The following STK32B variants were observed in gnomAD, a reference collection of about 807,000 sequenced individuals.
STK32B encodes the protein serine/threonine-protein kinase 32B.
Under a neutral mutation model 52.6 loss-of-function variants are expected in STK32B, and 43 were observed. That is an observed-to-expected ratio of 0.82 (90% CI 0.64 to 1.05). The LOEUF is 1.05. Among genes scored for constraint, STK32B ranks in the 50% least tolerant of loss-of-function variants. The pLI is 0.00. For missense variants in STK32B, 621 were observed against 534.6 expected, an observed-to-expected ratio of 1.16 and a Z score of -1.59; for synonymous variants, 238 against 204.3, an observed-to-expected ratio of 1.17 and a Z score of -1.41.
intron 2 of STK32B, 157 bp downstream of exon 2, chr4:5,140,117 G>T (rs916192485): frequency 7.2e-7 from 1 of 1,395,702 alleles, no homozygotes; most frequent in Non-Finnish European, 1.0e-6. Flanking sequence ...GTTTCCTTGC[G>T]ATCTGGTGTA....
At chr4:5,449,202 G>T (rs1341017121) in intron 7 of STK32B, among the ~76,000 whole-genome samples, 1 of 152,138 alleles carries the variant, frequency 6.6e-6, no homozygotes, top group African/African-American at 2.4e-5. Context: ...AATTATCCTG[G>T]CATGGTGGCG....
chr4:5,307,560 T>C (rs1428180713), intron 3 of STK32B, among the ~76,000 whole-genome samples: 1 of 147,218 alleles, frequency 6.8e-6, no homozygotes. Context: ...TTTTTTTTTT[T>C]TTTTAGGTTG....
At chr4:5,390,050 A>G (rs1476253027) in intron 4 of STK32B, among the ~76,000 whole-genome samples, 1 of 152,216 alleles carries the variant, frequency 6.6e-6, no homozygotes, top group African/African-American at 2.4e-5. Context: ...AGGAAGGGAC[A>G]CAGCCGGTTT....
At chr4:5,308,151 T>C (rs138399133) in intron 3 of STK32B, among the ~76,000 whole-genome samples, 1,754 of 152,228 alleles carry the variant, frequency 0.012, 16 homozygotes, top group Non-Finnish European at 0.019. Flanking sequence ...GCTGTGATTG[T>C]ATAGAGAGGA....
intron 4 of STK32B, among the ~76,000 whole-genome samples, chr4:5,381,078 A>G (rs1489649721): frequency 1.3e-5 from 2 of 152,206 alleles, no homozygotes; most frequent in African/African-American, 4.8e-5. Context: ...TCTCCATGCA[A>G]GTAAGAACTT....
the STK32B span, among the ~76,000 whole-genome samples, chr4:5,031,553 C>T: frequency 6.6e-6 from 1 of 151,454 alleles, no homozygotes; most frequent in African/African-American, 2.4e-5. Context: ...GAGCAGTGAT[C>T]ACATCACTGC....
chr4:5,174,149 T>G (rs190784861), intron 3 of STK32B, among the ~76,000 whole-genome samples: 28,312 of 151,676 alleles, frequency 0.19, 3,322 homozygotes, highest in East Asian at 0.3. Context: ...TTTTCCATTT[T>G]CTTGGTCGAT....
intron 3 of STK32B, among the ~76,000 whole-genome samples, chr4:5,177,144 C>G (rs748259212): frequency 1.3e-5 from 2 of 152,172 alleles, no homozygotes; most frequent in Non-Finnish European, 2.9e-5. Flanking sequence ...CTGCCCAAGA[C>G]TGGGTGATTT....
chr4:5,382,360 G>C (rs1735986442), intron 4 of STK32B, among the ~76,000 whole-genome samples: 1 of 152,126 alleles, frequency 6.6e-6, no homozygotes, highest in African/African-American at 2.4e-5. Flanking sequence ...ACAGAAAACT[G>C]CTATGAGAAT....
At chr4:5,425,584 C>G (rs1052435989) in intron 6 of STK32B, among the ~76,000 whole-genome samples, 3 of 147,544 alleles carry the variant, frequency 2.0e-5, no homozygotes, top group African/African-American at 7.7e-5. Context: ...ATTGGTTTGG[C>G]TGTTTGTGAG....
At chr4:5,391,922 C>T (rs1002303707) in intron 4 of STK32B, among the ~76,000 whole-genome samples, 2 of 152,176 alleles carry the variant, frequency 1.3e-5, no homozygotes, top group Admixed American at 1.3e-4. Flanking sequence ...TCAGTGTTCA[C>T]TTTTCATCTC....
rs1469845813 is a variant in STK32B, at chr4:5,396,647, T to G, written c.435-1560T>G. Reference sequence around the variant, plus strand: ...TCACATTCCCTGGGCCACAGCCATCTCCTCCCTGGTCCCCACACCACACAT... The same window carrying G: ...TCACATTCCCTGGGCCACAGCCATCGCCTCCCTGGTCCCCACACCACACAT... On this transcript the variant is annotated intron_variant, in intron 4 of 11. Coordinates refer to ENST00000282908, the MANE Select transcript of STK32B (RefSeq NM_018401.3). This position sits in a 1 kb window ranked among gnomAD's most constrained non-coding sequence, Gnocchi z 4.7. Among the ~76,000 whole-genome samples the G allele has an allele frequency of 6.6e-6, 1 of 152,170 alleles. No individual in the cohort carries two copies. Among genetic ancestry groups the G allele is most frequent in the Non-Finnish European group, 1.5e-5 (1 of 68,022 alleles).
At chr4:5,350,549 A>G (rs1250439058) in intron 4 of STK32B, among the ~76,000 whole-genome samples, 1 of 152,138 alleles carries the variant, frequency 6.6e-6, no homozygotes, top group Non-Finnish European at 1.5e-5. Flanking sequence ...TACCACCAAA[A>G]CGCAATGATA....
chr4:5,428,603 T>G (rs1242252739), intron 6 of STK32B, among the ~76,000 whole-genome samples: 1 of 152,212 alleles, frequency 6.6e-6, no homozygotes, highest in Non-Finnish European at 1.5e-5. Context: ...CATGCAAACT[T>G]GCAAAAATAT....
At chr4:5,389,537 A>G (rs1736465574) in intron 4 of STK32B, among the ~76,000 whole-genome samples, 1 of 152,096 alleles carries the variant, frequency 6.6e-6, no homozygotes, top group Admixed American at 6.5e-5. Context: ...TCTTATAAGG[A>G]CACCAGTCAG....
intron 3 of STK32B, among the ~76,000 whole-genome samples, chr4:5,228,857 CTCGGAA>C (rs1470178864): frequency 6.6e-6 from 1 of 152,120 alleles, no homozygotes; most frequent in African/African-American, 2.4e-5. Context: ...ATCCCAGCTA[CTCGGAA>C]GCCTGAGACA....
At chr4:5,087,308 A>G (rs1712785515) in intron 1 of STK32B, among the ~76,000 whole-genome samples, 1 of 152,020 alleles carries the variant, frequency 6.6e-6, no homozygotes. Flanking sequence ...ATGTATATAG[A>G]GAGAAACCAA....
At chr4:5,038,912 T>C in the STK32B span, among the ~76,000 whole-genome samples, 2 of 151,988 alleles carry the variant, frequency 1.3e-5, no homozygotes, top group Non-Finnish European at 2.9e-5. Context: ...TTAATATTTT[T>C]AAACTTTTTG....
chr4:5,139,405 T>C (rs1716269836), intron 1 of STK32B, among the ~76,000 whole-genome samples: 1 of 152,122 alleles, frequency 6.6e-6, no homozygotes, highest in African/African-American at 2.4e-5. Context: ...TTGCAGCCTT[T>C]GGAGCCCATG....
Sources: gnomAD v4.1 joint callset for allele counts (sites outside exome capture counted in the v4.1 genomes callset) on GRCh38, gnomAD v4.1.1 for gene constraint, Gnocchi (gnomAD v3.1) non-coding constraint, MANE v1.5 for transcripts, NCBI Gene and HGNC (gene_info 2026-07-23, HGNC 2026-07-21) for gene names.